TYK2: variants seen among roughly 807,000 people sequenced by gnomAD.
TYK2 encodes tyrosine kinase 2.
In TYK2, 65 loss-of-function variants were observed where a neutral mutation model predicts 130.9. That is an observed-to-expected ratio of 0.50 (90% CI 0.41 to 0.61). TYK2 has a LOEUF of 0.61. Ranked by LOEUF, TYK2 falls within the 20% of genes least tolerant of loss-of-function variation. The probability of loss-of-function intolerance (pLI) is 0.00; values close to 1 mark genes in which losing one functional copy is unlikely to be tolerated. For missense variants in TYK2, 1,378 were observed against 1,610.7 expected (o/e 0.86, Z 2.47); for synonymous variants, 647 against 658.9 (o/e 0.98, Z 0.28).
chr19:10,356,205 C>T (rs965325511), intron 18 of TYK2, among the ~76,000 whole-genome samples: 1 of 151,978 alleles, frequency 6.6e-6, no homozygotes, highest in Admixed American at 6.6e-5. Flanking sequence ...ATGGCAAAAC[C>T]CCACCTCTAC....
chr19:10,377,643 GGTGGATGGATGAATGGGTGGGT>G (rs368055985), intron 3 of TYK2, among the ~76,000 whole-genome samples: 37 of 3,386 alleles, frequency 0.011, no homozygotes, highest in East Asian at 0.018. Context: ...TGGATGGATG[GGTGGATGGATGAATGGGTGGGT>G]ATGGATGGAT....
intron 3 of TYK2, among the ~76,000 whole-genome samples, chr19:10,374,553 C>A (rs1177814666): frequency 5.0e-5 from 7 of 139,100 alleles, no homozygotes; most frequent in Non-Finnish European, 1.1e-4. Flanking sequence ...CCACTGCACT[C>A]CAGCCTGGGT....
rs953680561 is a variant in TYK2 at position 10,361,494 on chromosome 19, T to C, written c.2047+17A>G. 6.5e-7 allele frequency: 1 copy of C among 1,545,050 alleles called. No individual in the cohort carries two copies. Among genetic ancestry groups the C allele is most frequent in the African/African-American group, 1.4e-5 (1 of 72,886 alleles). On this transcript the variant is annotated intron_variant, in intron 14 of 24. Transcript: ENST00000525621. The surrounding 1 kb of genome is among the most constrained non-coding windows in gnomAD (Gnocchi z 4.0). ...GTGGCCTGCCAAAGGGGGATGGGTA[T>C]GGCGGGACCCACTCACTTTCAGGGC...
chr19:10,361,480 A>G lies in TYK2; in HGVS notation c.2047+31T>C, dbSNP rs2041397065. 1.3e-6 allele frequency: 2 copies of G among 1,545,146 alleles called. No homozygotes were observed. The highest frequency in any genetic ancestry group is 1.7e-6 in the Non-Finnish European group (2 of 1,146,296). ...GGTATAAGTCAGGGGTGGCCTGCCA[A>G]AGGGGGATGGGTATGGCGGGACCCA... On this transcript the variant is annotated intron_variant, in intron 14 of 24. Transcript: ENST00000525621. The surrounding 1 kb of genome is among the most constrained non-coding windows in gnomAD (Gnocchi z 4.0).
intron 7 of TYK2, 46 bp from the exon 8 acceptor site, chr19:10,365,094 G>A (rs751154222): frequency 2.1e-5 from 32 of 1,540,142 alleles, no homozygotes; most frequent in East Asian, 6.9e-5. Context: ...GGCAATGCCC[G>A]TTTATACCTC....
chr19:10,369,782 G>A (rs772938760), intron 3 of TYK2: 9 of 451,568 alleles, frequency 2.0e-5, no homozygotes, highest in East Asian at 7.1e-5. Context: ...AGTGGCTCAC[G>A]CCTATAATCC....
intron 3 of TYK2, among the ~76,000 whole-genome samples, chr19:10,370,375 A>G (rs1035758016): frequency 6.6e-6 from 1 of 150,780 alleles, no homozygotes. Context: ...TTGGCTGGCC[A>G]TGGTGGGGTG....
intron 5 of TYK2, 61 bp from the exon 6 acceptor site, chr19:10,366,641 G>A: frequency 6.3e-7 from 1 of 1,599,598 alleles, no homozygotes; most frequent in Non-Finnish European, 8.6e-7. Context: ...CTAGCCCAGA[G>A]GTATCCAATC....
In TYK2 at chr19:10,356,872, G is replaced by A. The variant is rs115469830; in HGVS notation, c.2467-154C>T. On this transcript the variant is annotated intron_variant, in intron 17 of 24. Coordinates refer to ENST00000525621, the MANE Select transcript of TYK2 (RefSeq NM_003331.5). ...AGGCAACTGAGGCTCCACAAAGTGG[G>A]AGGACGTGCTCACAGCCGTAGAACC... is the stretch of plus-strand genomic sequence containing the variant. 6,445 of 769,644 alleles carry A rather than the reference G, an allele frequency of 8.4e-3. 278 individuals carry two copies. The African/African-American group carries it at 0.097, about 12-fold the overall frequency. 47.7% of individuals were successfully genotyped at this position (769,644 alleles called of 1,614,324 possible).
At chr19:10,378,190 A>G in intron 3 of TYK2, 24 bp downstream of exon 3, 1 of 1,611,732 alleles carries the variant, frequency 6.2e-7, no homozygotes, top group Non-Finnish European at 8.5e-7. Context: ...CCCAGTCCCC[A>G]TGGTGCCAAC....
rs768172659 is a variant in TYK2, at chr19:10,368,500, C to T, written c.194-82G>A. 6.7e-4 allele frequency: 1,064 copies of T among 1,599,934 alleles called. 3 individuals are homozygous for T. The highest frequency in any genetic ancestry group is 8.4e-4 in the Non-Finnish European group (982 of 1,171,334). On this transcript the variant is annotated intron_variant, in intron 3 of 24. Coordinates refer to ENST00000525621, the MANE Select transcript of TYK2 (RefSeq NM_003331.5). ...AAGACCCCCCAGACCCAATGTCTGC[C>T]TTCACACTCCCTCTGAGGCCCCCTC...
At chr19:10,371,376 C>T (rs980478205) in intron 3 of TYK2, among the ~76,000 whole-genome samples, 1 of 152,020 alleles carries the variant, frequency 6.6e-6, no homozygotes, top group Admixed American at 6.6e-5. Context: ...CACAGTGGCT[C>T]ACGCCTGTAA....
chr19:10,366,551 T>C lies in TYK2; in HGVS notation c.495A>G (p.Ala165=). ...QGKHEFVNDV[A]SLWELSTEEE... ...CCTCGGTCGACAGCTCCCACAGTGATGCCACGTCATTCACAAACTCATGCT... is the reference window on the plus strand; with the variant it reads ...CCTCGGTCGACAGCTCCCACAGTGACGCCACGTCATTCACAAACTCATGCT... The change falls in exon 6 of 25, where the codon GCA becomes GCG. Residue 165 remains alanine, a synonymous_variant. Transcript: ENST00000525621. 1.2e-6 allele frequency: 2 copies of C among 1,614,008 alleles called. No individual in the cohort carries two copies. The highest frequency in any genetic ancestry group is 2.2e-5 in the East Asian group (1 of 44,866).
intron 14 of TYK2, among the ~76,000 whole-genome samples, chr19:10,359,835 A>G (rs1221734254): frequency 6.6e-6 from 1 of 151,922 alleles, no homozygotes; most frequent in Non-Finnish European, 1.5e-5. Context: ...AAAAAATTAC[A>G]GTGAAACCCC....
chr19:10,365,982 T>G (rs1164740412), intron 6 of TYK2, 84 bp from the exon 7 acceptor site: 2 of 1,402,240 alleles, frequency 1.4e-6, no homozygotes, highest in Non-Finnish European at 1.9e-6. Flanking sequence ...GCTTAACCTC[T>G]TTGAGCCTCA....
chr19:10,370,376 T>C (rs960426584), intron 3 of TYK2, among the ~76,000 whole-genome samples: 13 of 150,212 alleles, frequency 8.7e-5, no homozygotes, highest in African/African-American at 2.9e-4. Context: ...TGGCTGGCCA[T>C]GGTGGGGTGC....
At chr19:10,375,924 CA>C (rs956861132) in intron 3 of TYK2, among the ~76,000 whole-genome samples, 1 of 145,044 alleles carries the variant, frequency 6.9e-6, no homozygotes, top group Admixed American at 6.9e-5. Flanking sequence ...GACTCCATCT[CA>C]AAAAAAAGAA....
chr19:10,352,797 C>A, intron 22 of TYK2, 129 bp downstream of exon 22: 1 of 1,260,090 alleles, frequency 7.9e-7, no homozygotes, highest in Non-Finnish European at 1.1e-6. Context: ...AGGCCCCACC[C>A]CCGCACCGCT....
chr19:10,365,983 T>C (rs2041647128), intron 6 of TYK2, 85 bp from the exon 7 acceptor site: 2 of 1,409,224 alleles, frequency 1.4e-6, no homozygotes, highest in African/African-American at 2.8e-5. Context: ...CTTAACCTCT[T>C]TGAGCCTCAG....
Sources: gnomAD v4.1 joint callset for allele counts (sites outside exome capture counted in the v4.1 genomes callset) on GRCh38, gnomAD v4.1.1 for gene constraint, Gnocchi (gnomAD v3.1) non-coding constraint, MANE v1.5 for transcripts, NCBI Gene and HGNC (gene_info 2026-07-23, HGNC 2026-07-21) for gene names.